The following FNBP1 variants were observed in gnomAD, a reference collection of about 807,000 sequenced individuals.
FNBP1 encodes the protein formin binding protein 1, also known as formin-binding protein 1.
A neutral mutation model predicts 90.6 loss-of-function variants in FNBP1; 26 were observed. The observed-to-expected ratio is 0.29, with a 90% CI of 0.21 to 0.40. The LOEUF (loss-of-function observed/expected upper bound fraction) is 0.40, where lower values mean the gene tolerates loss of function less well. FNBP1 is among the 10% of genes least tolerant of loss of function. FNBP1 has a pLI of 1.00. For missense variants in FNBP1, 635 were observed against 768.0 expected, an observed-to-expected ratio of 0.83 and a Z score of 2.05; for synonymous variants, 260 against 265.2, an observed-to-expected ratio of 0.98 and a Z score of 0.19.
At chr9:129,912,540 T>G (rs2039492866) in intron 11 of FNBP1, among the ~76,000 whole-genome samples, 1 of 151,850 alleles carries the variant, frequency 6.6e-6, no homozygotes, top group South Asian at 2.1e-4. Flanking sequence ...AATACAAAAT[T>G]AGCCAGGCGT....
intron 2 of FNBP1, among the ~76,000 whole-genome samples, chr9:129,982,208 C>G (rs2051367044): frequency 2.0e-5 from 3 of 152,214 alleles, no homozygotes; most frequent in Admixed American, 1.3e-4. Flanking sequence ...CGCGGTGGCT[C>G]ATGCCTGTAA....
At chr9:129,894,880 C>T (rs750785310) in intron 16 of FNBP1, among the ~76,000 whole-genome samples, 10 of 152,064 alleles carry the variant, frequency 6.6e-5, no homozygotes, top group East Asian at 3.9e-4. Flanking sequence ...GCCAACAGAG[C>T]GAACCCGTCT....
intron 1 of FNBP1, among the ~76,000 whole-genome samples, chr9:130,017,525 A>G (rs1214299995): frequency 6.6e-6 from 1 of 152,152 alleles, no homozygotes; most frequent in Non-Finnish European, 1.5e-5. Flanking sequence ...ACACACTAAT[A>G]TCATGTTTTA....
upstream of FNBP1, chr9:130,044,977 G>A (rs1231736873): frequency 2.0e-5 from 3 of 151,818 alleles, no homozygotes; most frequent in African/African-American, 7.3e-5. Context: ...ATTAAGAGGT[G>A]GAGCTACTAA....
chr9:130,053,019 G>A, the FNBP1 span, among the ~76,000 whole-genome samples: 1 of 152,104 alleles, frequency 6.6e-6, no homozygotes, highest in Non-Finnish European at 1.5e-5. Context: ...CAGAGGCTGA[G>A]GCAGGAGAAT....
chr9:130,047,808 G>C (rs2060069136), upstream of FNBP1, among the ~76,000 whole-genome samples: 1 of 152,012 alleles, frequency 6.6e-6, no homozygotes, highest in South Asian at 2.1e-4. Flanking sequence ...ATTGTATTAG[G>C]GCTTTTTGGC....
chr9:130,003,318 A>G (rs2055143433), intron 1 of FNBP1, among the ~76,000 whole-genome samples: 1 of 152,068 alleles, frequency 6.6e-6, no homozygotes, highest in Non-Finnish European at 1.5e-5. Flanking sequence ...TTAGCTGGGT[A>G]TGGTGGCACG....
rs536902586 is a variant in FNBP1, at chr9:129,891,269, G to T, written c.1847-723C>A. Among the ~76,000 whole-genome samples, 4 of 152,024 alleles carry T rather than the reference G, an allele frequency of 2.6e-5. No homozygotes were observed. In the East Asian group the frequency reaches 7.7e-4, roughly 29 times the overall value. ...AGCTCAGGAGTTCAAGACCAGCCTG[G>T]GCCACAACATAGCCAGACCTCATCT... On this transcript the variant is annotated intron_variant, in intron 16 of 16. Coordinates refer to ENST00000446176, the MANE Select transcript of FNBP1 (RefSeq NM_015033.3).
chr9:129,949,943 C>T lies in FNBP1; in HGVS notation c.513+7417G>A, dbSNP rs117222590. The stretch of plus-strand genomic sequence containing the variant: ...TGTACAAATAAGGCTTTTGTAAGCA[C>T]AGGCTTACCGTTCCCAGTGCTGTGT... On this transcript the variant is annotated intron_variant, in intron 6 of 16. Coordinates refer to ENST00000446176, the MANE Select transcript of FNBP1 (RefSeq NM_015033.3). 6.3e-3 allele frequency among the ~76,000 whole-genome samples: 964 copies of T among 152,236 alleles called. 10 individuals are homozygous for T. The highest frequency in any genetic ancestry group is 0.014 in the Middle Eastern group (4 of 294).
chr9:129,911,717 G>A (rs933228270), intron 11 of FNBP1, among the ~76,000 whole-genome samples: 1 of 152,104 alleles, frequency 6.6e-6, no homozygotes, highest in South Asian at 2.1e-4. Flanking sequence ...CAGATCAAAA[G>A]GTCAGGAGCT....
At chr9:129,905,294 G>GTGTATATATATATATATATA (rs374989661) in intron 12 of FNBP1, among the ~76,000 whole-genome samples, 18 of 132,332 alleles carry the variant, frequency 1.4e-4, no homozygotes, top group African/African-American at 4.6e-4. Flanking sequence ...GTGTGTGTGT[G>GTGTATATATATATATATATA]TATATATATA....
At chr9:129,932,844 C>T (rs1371474015) in intron 6 of FNBP1, among the ~76,000 whole-genome samples, 8 of 152,118 alleles carry the variant, frequency 5.3e-5, no homozygotes, top group African/African-American at 1.9e-4. Context: ...TAGCCCTCCT[C>T]TGTTTAAATA....
chr9:130,036,901 CG>C (rs201565938), intron 1 of FNBP1, among the ~76,000 whole-genome samples: 10,319 of 151,980 alleles, frequency 0.068, 424 homozygotes, highest in Middle Eastern at 0.12. Context: ...AAAAATTAGC[CG>C]GGCGCGGTGG....
chr9:130,034,556 C>T (rs80017893), intron 1 of FNBP1, among the ~76,000 whole-genome samples: 4,211 of 152,256 alleles, frequency 0.028, 118 homozygotes, highest in Non-Finnish European at 0.036. Context: ...AATTCAGAAA[C>T]TTGATACTAC....
intron 1 of FNBP1, among the ~76,000 whole-genome samples, chr9:129,997,602 T>C (rs1036905237): frequency 6.6e-6 from 1 of 152,222 alleles, no homozygotes; most frequent in African/African-American, 2.4e-5. Flanking sequence ...TTCTTACAAA[T>C]TGAGAGCACG....
chr9:129,994,625 G>GA (rs201953954), intron 2 of FNBP1, among the ~76,000 whole-genome samples: 28 of 146,644 alleles, frequency 1.9e-4, no homozygotes, highest in South Asian at 6.4e-4. Flanking sequence ...ATATCTTGTT[G>GA]AAAAAAAAAA....
chr9:129,899,850 A>AGGAC, intron 15 of FNBP1, 115 bp downstream of exon 15: 2 of 910,358 alleles, frequency 2.2e-6, no homozygotes, highest in Non-Finnish European at 3.1e-6. Flanking sequence ...GAAGGAAGGA[A>AGGAC]GGACAAAGGA....
At chr9:130,051,068 T>A in the FNBP1 span, among the ~76,000 whole-genome samples, 1 of 151,808 alleles carries the variant, frequency 6.6e-6, no homozygotes, top group Non-Finnish European at 1.5e-5. Context: ...GCCTGGCTAA[T>A]TTTTGTATTT....
Position 129,900,669 on chromosome 9 carries a change from G to C in FNBP1, c.1429-122C>G. 1 of 1,066,468 alleles carries C rather than the reference G, an allele frequency of 9.4e-7. No homozygotes were observed. Among genetic ancestry groups the C allele is most frequent in the Non-Finnish European group, 1.2e-6 (1 of 818,164 alleles). The allele number at this position is 1,066,468 out of a possible 1,614,324, so 66.1% of individuals were successfully genotyped here. A position where few individuals can be genotyped will look rare whatever the true frequency, so the allele number is the denominator to read the frequency against. ...GAGCATCCTAAGGTCCCAAACTCAG[G>C]GGCTACTCTTGGCCATTTAACCCAA... On this transcript the variant is annotated intron_variant, in intron 13 of 16. Coordinates refer to ENST00000446176, the MANE Select transcript of FNBP1 (RefSeq NM_015033.3). This position sits in a 1 kb window ranked among gnomAD's most constrained non-coding sequence, Gnocchi z 4.1.
Sources: gnomAD v4.1 joint callset for allele counts (sites outside exome capture counted in the v4.1 genomes callset) on GRCh38, gnomAD v4.1.1 for gene constraint, Gnocchi (gnomAD v3.1) non-coding constraint, MANE v1.5 for transcripts, NCBI Gene and HGNC (gene_info 2026-07-23, HGNC 2026-07-21) for gene names.